ARHGEF12: variants seen among roughly 807,000 people sequenced by gnomAD.
The protein encoded by ARHGEF12 is Rho guanine nucleotide exchange factor 12.
Under a neutral mutation model 211.2 loss-of-function variants are expected in ARHGEF12, and 66 were observed. That is an observed-to-expected ratio of 0.31 (90% CI 0.26 to 0.38). The LOEUF (loss-of-function observed/expected upper bound fraction) is 0.38, where lower values mean the gene tolerates loss of function less well. ARHGEF12 is among the 10% of genes least tolerant of loss of function. ARHGEF12 has a pLI of 1.00. For missense variants in ARHGEF12, 1,429 were observed against 1,869.5 expected (o/e 0.76, Z 4.34); for synonymous variants, 592 against 638.4 (o/e 0.93, Z 1.09).
intron 15 of ARHGEF12, among the ~76,000 whole-genome samples, chr11:120,444,892 A>G (rs909979381): frequency 2.0e-5 from 3 of 152,160 alleles, no homozygotes; most frequent in Admixed American, 1.3e-4. Context: ...AAAACTCAAC[A>G]TTGACATTCA....
At chr11:120,340,330 C>G (rs948339687) in intron 1 of ARHGEF12, among the ~76,000 whole-genome samples, 1 of 152,282 alleles carries the variant, frequency 6.6e-6, no homozygotes, top group Non-Finnish European at 1.5e-5. Flanking sequence ...TTTTCAGGGA[C>G]AGTACAGGTA....
rs1266228065 is a variant in ARHGEF12, at chr11:120,336,566, C to T, written c.-678C>T. Among the ~76,000 whole-genome samples, 2 of 152,052 alleles carry T rather than the reference C, an allele frequency of 1.3e-5. No individual in the cohort carries two copies. Among genetic ancestry groups the T allele is most frequent in the Admixed American group, 6.5e-5 (1 of 15,272 alleles). On this transcript the variant is annotated 5_prime_UTR_variant, in exon 1 of 41. Coordinates refer to ENST00000397843, the MANE Select transcript of ARHGEF12 (RefSeq NM_015313.3). ...CTGGCGATTGCGGAAGAGTCCGGGC[C>T]TCAAAGGGATGGGGAGCAGTCCGCG...
rs367847208 is a variant in ARHGEF12, at chr11:120,480,284, A to G, written c.4091A>G (p.Glu1364Gly). 20 of 1,614,096 alleles carry G rather than the reference A, an allele frequency of 1.2e-5. 1 individual carries two copies. The highest frequency in any genetic ancestry group is 2.7e-5 in the African/African-American group (2 of 74,932). The stretch of plus-strand genomic sequence containing the variant: ...ATGGACCACATGATTATGACCCCAG[A>G]GATGCCTACCATGGAGCCAGAAGGG... ...LVMDHMIMTPEMPTMEPEGGL... is the reference protein window; with the variant it reads ...LVMDHMIMTPGMPTMEPEGGL... Residue 1364 changes from glutamate (E) to glycine (G), a missense_variant, in exon 38 of 41, where the codon GAG becomes GGG. Coordinates refer to ENST00000397843, the MANE Select transcript of ARHGEF12 (RefSeq NM_015313.3).
intron 26 of ARHGEF12, 107 bp downstream of exon 26, chr11:120,459,427 T>C: frequency 8.4e-7 from 1 of 1,188,300 alleles, no homozygotes; most frequent in African/African-American, 1.5e-5. Context: ...TGAGATTATG[T>C]GTGAGAATGT....
At chr11:120,465,166 C>T in intron 27 of ARHGEF12, 71 bp from the exon 28 acceptor site, 1 of 1,583,410 alleles carries the variant, frequency 6.3e-7, no homozygotes, top group Non-Finnish European at 8.6e-7. Flanking sequence ...TTCTGGTTGT[C>T]TGTCACTTTG....
chr11:120,406,804 C>T (rs945233952), intron 2 of ARHGEF12, among the ~76,000 whole-genome samples: 8 of 152,088 alleles, frequency 5.3e-5, no homozygotes, highest in East Asian at 1.9e-4. Flanking sequence ...GTGATTCGCC[C>T]GCCTCAGGCT....
rs924126052 is a variant in ARHGEF12 at position 120,486,908 on chromosome 11, A to T, written c.*1831A>T. 4.7e-6 allele frequency: 1 copy of T among 212,036 alleles called. No homozygotes were observed. The highest frequency in any genetic ancestry group is 2.3e-5 in the African/African-American group (1 of 44,236). The allele number at this position is 212,036 out of a possible 1,614,324, so 13.1% of individuals were successfully genotyped here. ...TATTTTTAGTCATAAGCCAAGTACA[A>T]TCTAACTCAGAATGGGATTAAAAAT... On this transcript the variant is annotated 3_prime_UTR_variant, in exon 41 of 41. Transcript: ENST00000397843.
intron 26 of ARHGEF12, 56 bp from the exon 27 acceptor site, chr11:120,460,616 G>T: frequency 6.8e-7 from 1 of 1,461,512 alleles, no homozygotes; most frequent in South Asian, 1.2e-5. Flanking sequence ...TGTACTACCA[G>T]TAATTCTGTC....
In ARHGEF12 at chr11:120,424,972, T is replaced by C. The variant is rs145547931; in HGVS notation, c.406+557T>C. ...TTGGAAATCTTTAGGGTTAAGAATT[T>C]GTGATCTTCAGGTTTGAGTGAATAG... On this transcript the variant is annotated intron_variant, in intron 7 of 40. Transcript: ENST00000397843. Among the ~76,000 whole-genome samples, 764 of 152,290 alleles carry C rather than the reference T, an allele frequency of 5.0e-3. 4 individuals are homozygous for C. The highest frequency in any genetic ancestry group is 8.5e-3 in the Non-Finnish European group (581 of 68,026).
chr11:120,480,473 A>C lies in ARHGEF12; in HGVS notation c.4237+43A>C, dbSNP rs543290583. The C allele has an allele frequency of 1.9e-6, 3 of 1,547,992 alleles. No individual in the cohort carries two copies. In the East Asian group the frequency reaches 6.8e-5, roughly 35 times the overall value. On this transcript the variant is annotated intron_variant, in intron 38 of 40. Coordinates refer to ENST00000397843, the MANE Select transcript of ARHGEF12 (RefSeq NM_015313.3). ...TTAAACTTTGATTTTGATTTTGATC[A>C]TTGTTAACTGTCCTGTATTTTGAAA... is the stretch of plus-strand genomic sequence containing the variant.
chr11:120,428,146 G>C lies in ARHGEF12; in HGVS notation c.484G>C (p.Glu162Gln), dbSNP rs774338862. The C allele has an allele frequency of 6.2e-7, 1 of 1,611,244 alleles. No individual in the cohort carries two copies. The highest frequency in any genetic ancestry group is 1.1e-5 in the South Asian group (1 of 90,030). ...GATTCCACTTGCCGACTCTGAAGTAGAGCCGTCAGTCATTGGACATATGTC... is the reference window on the plus strand; with the variant it reads ...GATTCCACTTGCCGACTCTGAAGTACAGCCGTCAGTCATTGGACATATGTC... ...PQIPLADSEV[E>Q]PSVIGHMSPI... Residue 162 changes from glutamate to glutamine, a missense_variant, in exon 8 of 41, where the codon GAG (glutamate) becomes CAG (glutamine). Around this residue, in one of 7 missense-constraint regions of ARHGEF12, gnomAD observed 254 missense variants for 286.4 expected, o/e 0.89. Coordinates refer to ENST00000397843, the MANE Select transcript of ARHGEF12 (RefSeq NM_015313.3).
At chr11:120,446,754 T>C (rs1946059557) in intron 17 of ARHGEF12, among the ~76,000 whole-genome samples, 194 bp from the exon 18 acceptor site, 1 of 152,142 alleles carries the variant, frequency 6.6e-6, no homozygotes, top group Non-Finnish European at 1.5e-5. Context: ...TCCTTTAAGA[T>C]ATTGTATGTG....
chr11:120,377,790 T>C (rs1167253397), intron 1 of ARHGEF12, among the ~76,000 whole-genome samples: 8 of 152,218 alleles, frequency 5.3e-5, no homozygotes, highest in Admixed American at 2.0e-4. Context: ...TTGGATTGTT[T>C]CCAGTTTTTG....
intron 39 of ARHGEF12, among the ~76,000 whole-genome samples, chr11:120,483,504 A>G (rs1591651196): frequency 6.6e-6 from 1 of 150,904 alleles, no homozygotes. Context: ...GCTCACCGCA[A>G]CCTCCGCCTC....
At position 120,460,679 on chromosome 11, in the gene ARHGEF12, G is replaced by C. The variant is rs983808939; in HGVS notation, c.2535G>C (p.Leu845Phe). ...CTATCTTTTTATCTTTAGTTGGATTGAATGAACAAATGAAGGCTGTTCGAA... is the reference window on the plus strand; with the variant it reads ...CTATCTTTTTATCTTTAGTTGGATTCAATGAACAAATGAAGGCTGTTCGAA... ...LEDILQLHIGLNEQMKAVRKR... is the reference protein window; with the variant it reads ...LEDILQLHIGFNEQMKAVRKR... The change falls in exon 27 of 41, where the codon TTG becomes TTC. Residue 845 changes from leucine to phenylalanine, a missense_variant. Physicochemically the swap from Leu to Phe is conservative, Grantham distance 22. Around this residue, in one of 7 missense-constraint regions of ARHGEF12, gnomAD observed 223 missense variants for 444.6 expected, o/e 0.50. Coordinates refer to ENST00000397843, the MANE Select transcript of ARHGEF12 (RefSeq NM_015313.3). 48 of 1,612,914 alleles carry C rather than the reference G, an allele frequency of 3.0e-5. No homozygotes were observed. Among genetic ancestry groups the C allele is most frequent in the Non-Finnish European group, 3.6e-5 (43 of 1,179,414 alleles).
rs1946946817 is a variant in ARHGEF12, at chr11:120,473,772, A to G, written c.3033+645A>G. Among the ~76,000 whole-genome samples, 4 of 152,280 alleles carry G rather than the reference A, an allele frequency of 2.6e-5. No homozygotes were observed. In the South Asian group the frequency reaches 6.2e-4, roughly 24 times the overall value. On this transcript the variant is annotated intron_variant, in intron 31 of 40. Transcript: ENST00000397843. ...ATTTAATAACACAAGATAGCATACT[A>G]TTTTCTCATGAGGCTCTTCAGAAGC...
intron 30 of ARHGEF12, among the ~76,000 whole-genome samples, chr11:120,471,967 G>A (rs986514789): frequency 2.6e-5 from 4 of 152,162 alleles, no homozygotes; most frequent in African/African-American, 4.8e-5. Context: ...GTTTGTTACA[G>A]AAGAGTTGAA....
intron 2 of ARHGEF12, among the ~76,000 whole-genome samples, chr11:120,406,652 G>A (rs1479094753): frequency 3.3e-5 from 5 of 152,068 alleles, no homozygotes; most frequent in South Asian, 2.1e-4. Flanking sequence ...ACCGCCTCCC[G>A]GGTTCACACC....
chr11:120,457,541 T>G (rs1946399198), intron 23 of ARHGEF12, 180 bp from the exon 24 acceptor site: 2 of 463,106 alleles, frequency 4.3e-6, no homozygotes, highest in Non-Finnish European at 7.4e-6. Context: ...TCAGAACTCA[T>G]AACTGAAATG....
Sources: allele counts gnomAD v4.1 joint callset (sites outside exome capture counted in the v4.1 genomes callset), GRCh38; gene constraint gnomAD v4.1.1; regional missense constraint gnomAD v4.1.1; transcripts MANE v1.5; gene names NCBI Gene and HGNC (gene_info 2026-07-23, HGNC 2026-07-21).